PTPN2: variants seen among roughly 807,000 people sequenced by gnomAD.
The protein encoded by PTPN2 is protein tyrosine phosphatase non-receptor type 2, also known as tyrosine-protein phosphatase non-receptor type 2.
In PTPN2, 19 loss-of-function variants were observed where a neutral mutation model predicts 57.3. The observed-to-expected ratio is 0.33, with a 90% CI of 0.23 to 0.49. The LOEUF (loss-of-function observed/expected upper bound fraction) is 0.49, where lower values mean the gene tolerates loss of function less well. PTPN2 is among the 20% of genes least tolerant of loss of function. The probability of loss-of-function intolerance (pLI) is 0.99; values close to 1 mark genes in which losing one functional copy is unlikely to be tolerated. For synonymous variants in PTPN2, 153 were observed against 164.9 expected (o/e 0.93, Z 0.55); for missense variants, 358 against 501.1 (o/e 0.71, Z 2.73).
chr18:12,818,659 G>GT (rs762467729), intron 5 of PTPN2, among the ~76,000 whole-genome samples: 4,220 of 143,570 alleles, frequency 0.029, 191 homozygotes, highest in African/African-American at 0.09. Flanking sequence ...ATTGTAGGAG[G>GT]TTTTTTTTTT....
chr18:12,869,416 C>T (rs1412660497), intron 1 of PTPN2, among the ~76,000 whole-genome samples: 2 of 152,222 alleles, frequency 1.3e-5, no homozygotes, highest in African/African-American at 4.8e-5. Context: ...CTGCCTCGGC[C>T]TTCCAAAGCG....
chr18:12,830,015 T>C (rs1264037185), intron 4 of PTPN2, among the ~76,000 whole-genome samples: 4 of 152,196 alleles, frequency 2.6e-5, no homozygotes, highest in African/African-American at 4.8e-5. Context: ...ATTAATACAG[T>C]AATTATACTC....
Position 12,830,928 on chromosome 18 carries a change from T to C in PTPN2, c.360+15A>G, listed in dbSNP as rs748480784. On this transcript the variant is annotated intron_variant, in intron 4 of 8. Transcript: ENST00000309660. ...CATACAGTATACTAAGTTGTAAATA[T>C]TAAATATTACTCACCGATTCTTTCT... 7.7e-5 allele frequency: 119 copies of C among 1,540,014 alleles called. No individual in the cohort carries two copies. The highest frequency in any genetic ancestry group is 9.5e-5 in the Non-Finnish European group (106 of 1,114,864).
chr18:12,785,698 A>G, exon 10 of PTPN2: 1 of 845,262 alleles, frequency 1.2e-6, no homozygotes, highest in Non-Finnish European at 2.0e-6. Flanking sequence ...TTGTAAACAA[A>G]CAACTGTGAG....
intron 5 of PTPN2, among the ~76,000 whole-genome samples, chr18:12,822,701 G>A (rs559637369): frequency 2.0e-5 from 3 of 152,130 alleles, no homozygotes; most frequent in Non-Finnish European, 4.4e-5. Flanking sequence ...AGAGATCTGC[G>A]TGTTGAGATT....
rs551364096 is a variant in PTPN2, at chr18:12,797,196, G to C, written c.1041-2711C>G. ...CAGAGAGGGGGTTAGCCTCCCATGGGCCCTTTATTAGCTTTTGCCAGGAGC... is the reference window on the plus strand; with the variant it reads ...CAGAGAGGGGGTTAGCCTCCCATGGCCCCTTTATTAGCTTTTGCCAGGAGC... On this transcript the variant is annotated intron_variant, in intron 8 of 8. Transcript: ENST00000309660. 7.8e-4 allele frequency among the ~76,000 whole-genome samples: 119 copies of C among 152,238 alleles called. 1 individual carries two copies. The highest frequency in any genetic ancestry group is 1.4e-3 in the Non-Finnish European group (97 of 68,010).
intron 1 of PTPN2, among the ~76,000 whole-genome samples, chr18:12,874,637 G>C (rs1395952753): frequency 1.4e-5 from 2 of 142,756 alleles, no homozygotes; most frequent in Non-Finnish European, 3.1e-5. Flanking sequence ...GGGAGGTGGG[G>C]GGGTCAGCCC....
At chr18:12,853,661 G>C (rs547646584) in intron 2 of PTPN2, among the ~76,000 whole-genome samples, 112 of 152,022 alleles carry the variant, frequency 7.4e-4, no homozygotes, top group Non-Finnish European at 1.5e-3. Context: ...AGGAGGGGAA[G>C]AATATTTCAA....
intron 9 of PTPN2, chr18:12,786,205 G>A (rs2040840237): frequency 1.0e-5 from 3 of 293,216 alleles, no homozygotes; most frequent in South Asian, 4.3e-5. Flanking sequence ...CAAGAATTTA[G>A]CAAGACTTTA....
At chr18:12,876,029 G>T (rs1199857106) in intron 1 of PTPN2, among the ~76,000 whole-genome samples, 1 of 152,122 alleles carries the variant, frequency 6.6e-6, no homozygotes, top group Non-Finnish European at 1.5e-5. Context: ...ACAACATGGT[G>T]AGAACCTGTC....
chr18:12,859,015 C>T (rs45569735), intron 2 of PTPN2, 149 bp downstream of exon 2: 32,441 of 524,148 alleles, frequency 0.062, 1,201 homozygotes, highest in Middle Eastern at 0.12. Context: ...CTATTCTACA[C>T]CTTTAAATTC....
At chr18:12,848,087 A>T (rs1259311511) in intron 2 of PTPN2, among the ~76,000 whole-genome samples, 1 of 152,190 alleles carries the variant, frequency 6.6e-6, no homozygotes, top group Non-Finnish European at 1.5e-5. Flanking sequence ...AAATATTTAC[A>T]TAATAGTTAC....
At chr18:12,846,147 C>A (rs1217652198) in intron 2 of PTPN2, among the ~76,000 whole-genome samples, 1 of 152,142 alleles carries the variant, frequency 6.6e-6, no homozygotes, top group Non-Finnish European at 1.5e-5. Flanking sequence ...TGCATCTTAT[C>A]GGGTGGTTCA....
chr18:12,865,013 G>C (rs1055615342), intron 1 of PTPN2, among the ~76,000 whole-genome samples: 4 of 152,144 alleles, frequency 2.6e-5, no homozygotes, highest in Non-Finnish European at 5.9e-5. Context: ...AATTCCAAAA[G>C]TATACTTCAC....
chr18:12,831,526 T>C (rs2042669672), intron 3 of PTPN2, among the ~76,000 whole-genome samples: 1 of 152,212 alleles, frequency 6.6e-6, no homozygotes, highest in Non-Finnish European at 1.5e-5. Context: ...GATCATGTTC[T>C]AGCTGCAAAG....
At chr18:12,825,090 A>C (rs951704786) in intron 5 of PTPN2, among the ~76,000 whole-genome samples, 2 of 151,988 alleles carry the variant, frequency 1.3e-5, no homozygotes, top group African/African-American at 4.8e-5. Flanking sequence ...TGTCTCAAAA[A>C]ACCAATCAAC....
chr18:12,807,584 AAAAT>A lies in PTPN2; in HGVS notation c.859-5437_859-5434del, dbSNP rs1275003941. On this transcript the variant is annotated intron_variant, in intron 7 of 8. Transcript: ENST00000309660. Reference sequence around the variant, plus strand: ...GAAAATGTGGAAAAAAAAAAAAAAAAAAATATATATATATATATATAATATAATA... The same window carrying A: ...GAAAATGTGGAAAAAAAAAAAAAAAAATATATATATATATATAATATAATA... 5.6e-3 allele frequency among the ~76,000 whole-genome samples: 308 copies of A among 54,994 alleles called. 7 individuals are homozygous for A. The highest frequency in any genetic ancestry group is 0.015 in the African/African-American group (297 of 20,482). The allele number at this position is 54,994 out of a possible 152,430, so 36.1% of individuals were successfully genotyped here.
At position 12,819,921 on chromosome 18, in the gene PTPN2, C is replaced by A. The variant is rs1000967029; in HGVS notation, c.496-2556G>T. Reference sequence around the variant, plus strand: ...CTTTGTTTCTTACTTGCTGCGGCCACCAGCAGGACCAGACTCAGTCTGTGT... The same window carrying A: ...CTTTGTTTCTTACTTGCTGCGGCCAACAGCAGGACCAGACTCAGTCTGTGT... On this transcript the variant is annotated intron_variant, in intron 5 of 8. Coordinates refer to ENST00000309660, the MANE Select transcript of PTPN2 (RefSeq NM_002828.4). 3.1e-4 allele frequency among the ~76,000 whole-genome samples: 47 copies of A among 152,298 alleles called. 1 individual carries two copies. The highest frequency in any genetic ancestry group is 6.8e-3 in the Middle Eastern group (2 of 294).
In PTPN2 at chr18:12,843,595, G is replaced by T. The variant is rs551128443; in HGVS notation, c.161-6704C>A. Among the ~76,000 whole-genome samples the T allele has an allele frequency of 1.7e-4, 26 of 152,214 alleles. No homozygotes were observed. The South Asian group carries it at 4.4e-3, about 25-fold the overall frequency. The stretch of plus-strand genomic sequence containing the variant: ...TGGCTTTTAAGAGGGGCCTCTTAGG[G>T]CAAGATTCTGATCAGCTCCGCTGGT... On this transcript the variant is annotated intron_variant, in intron 2 of 8. Transcript: ENST00000309660.
Sources: allele counts gnomAD v4.1 joint callset (sites outside exome capture counted in the v4.1 genomes callset), GRCh38; gene constraint gnomAD v4.1.1; transcripts MANE v1.5; gene names NCBI Gene and HGNC (gene_info 2026-07-23, HGNC 2026-07-21).